Variants in GNAO1 observed in about 807,000 individuals in gnomAD.
The protein encoded by GNAO1 is G protein subunit alpha o1.
For synonymous variants in GNAO1, 164 were observed against 180.7 expected (o/e 0.91, Z 0.74); for missense variants, 166 against 478.7 (o/e 0.35, Z 6.10).
intron 2 of GNAO1, among the ~76,000 whole-genome samples, chr16:56,264,073 G>A (rs1452089937): frequency 1.3e-5 from 2 of 152,264 alleles, no homozygotes; most frequent in African/African-American, 4.8e-5. Flanking sequence ...GAGGCCGACA[G>A]AGCTGCCTTG....
At chr16:56,203,352 G>A (rs937205422) in intron 2 of GNAO1, among the ~76,000 whole-genome samples, 2 of 152,096 alleles carry the variant, frequency 1.3e-5, no homozygotes, top group Admixed American at 1.3e-4. Context: ...CTCAAGTGAG[G>A]CCAATCATCA....
chr16:56,200,687 C>T (rs758078511), intron 2 of GNAO1, among the ~76,000 whole-genome samples: 18 of 152,222 alleles, frequency 1.2e-4, no homozygotes, highest in Non-Finnish European at 2.1e-4. Flanking sequence ...TGGCAGTCTA[C>T]GACCTCACAC....
rs1313846736 is a variant in GNAO1, at chr16:56,311,176, G to A, written c.304-17455G>A. Among the ~76,000 whole-genome samples the A allele has an allele frequency of 6.6e-6, 1 of 150,826 alleles. No homozygotes were observed. The highest frequency in any genetic ancestry group is 2.0e-4 in the East Asian group (1 of 5,064). On this transcript the variant is annotated intron_variant, in intron 3 of 8. Coordinates refer to ENST00000262493, the MANE Select transcript of GNAO1 (RefSeq NM_020988.3). This position sits in a 1 kb window ranked among gnomAD's most constrained non-coding sequence, Gnocchi z 5.2. ...CCCTGGCCAGGGTGTGGGGCTTGGGGGTGGAGATGGGGGAGAGAGGCATGG... is the reference window on the plus strand; with the variant it reads ...CCCTGGCCAGGGTGTGGGGCTTGGGAGTGGAGATGGGGGAGAGAGGCATGG...
chr16:56,345,638 G>A (rs2037859099), intron 6 of GNAO1: 1 of 985,482 alleles, frequency 1.0e-6, no homozygotes. Flanking sequence ...GTTCACCTCG[G>A]TCATGTTTTG....
Position 56,198,852 on chromosome 16 carries a change from C to T in GNAO1, c.161+6236C>T, listed in dbSNP as rs537551420. ...GGGGTGCTGTGGTTCATGTTCATGG[C>T]TTCTTCCCCTTGCCTGCTCTGCAGC... is the stretch of plus-strand genomic sequence containing the variant. On this transcript the variant is annotated intron_variant, in intron 2 of 8. Transcript: ENST00000262493. Among the ~76,000 whole-genome samples, 7 of 152,324 alleles carry T rather than the reference C, an allele frequency of 4.6e-5. 2 individuals are homozygous for T. Among genetic ancestry groups the T allele is most frequent in the African/African-American group, 1.7e-4 (7 of 41,574 alleles).
Position 56,278,200 on chromosome 16 carries a change from C to T in GNAO1, c.303+2128C>T, listed in dbSNP as rs554794109. ...ATGGAAGGAGAGACTGAGAGCTAAG[C>T]GGGACTCCCTGGAGAGTCCACTGGA... On this transcript the variant is annotated intron_variant, in intron 3 of 8. Transcript: ENST00000262493. Among the ~76,000 whole-genome samples the T allele has an allele frequency of 8.6e-4, 131 of 152,276 alleles. 1 individual carries two copies. Among genetic ancestry groups the T allele is most frequent in the African/African-American group, 1.8e-3 (75 of 41,554 alleles).
chr16:56,253,142 C>T (rs905996648), intron 2 of GNAO1, among the ~76,000 whole-genome samples: 3 of 152,188 alleles, frequency 2.0e-5, no homozygotes, highest in Non-Finnish European at 2.9e-5. Flanking sequence ...CCTGGGCCCC[C>T]TCTTGCCTGG....
chr16:56,299,026 A>C (rs544803633), intron 3 of GNAO1, among the ~76,000 whole-genome samples: 43 of 152,280 alleles, frequency 2.8e-4, no homozygotes, highest in South Asian at 4.1e-4. Context: ...GGAGTTTGGG[A>C]AGGCTTGCCT....
intron 2 of GNAO1, among the ~76,000 whole-genome samples, chr16:56,239,061 T>C (rs2063634556): frequency 6.6e-6 from 1 of 152,228 alleles, no homozygotes. Flanking sequence ...TTTGTGTCCT[T>C]CTCCCTACCA....
intron 3 of GNAO1, among the ~76,000 whole-genome samples, chr16:56,292,448 G>A (rs192148255): frequency 1.8e-4 from 27 of 152,176 alleles, no homozygotes; most frequent in African/African-American, 6.5e-4. Flanking sequence ...TGCAACCTCT[G>A]CCTCCCAGGC....
In GNAO1 at chr16:56,348,369, CCT is replaced by C. The variant is rs1450317687; in HGVS notation, c.724-3014_724-3013del. Among the ~76,000 whole-genome samples, 6 of 152,206 alleles carry C rather than the reference CCT, an allele frequency of 3.9e-5. No homozygotes were observed. The East Asian group carries it at 7.7e-4, about 20-fold the overall frequency. ...TCAGGGCGACTGGGCGCCCTGCCCC[CCT>C]GTCAGGATCGCCATCTGGTGGGAAG... On this transcript the variant is annotated intron_variant, in intron 6 of 8. Coordinates refer to ENST00000262493, the MANE Select transcript of GNAO1 (RefSeq NM_020988.3).
At chr16:56,197,984 C>G (rs569768416) in intron 2 of GNAO1, among the ~76,000 whole-genome samples, 7 of 152,186 alleles carry the variant, frequency 4.6e-5, no homozygotes, top group African/African-American at 1.7e-4. Context: ...AGGCCATTAT[C>G]ACCAGAATAC....
intron 3 of GNAO1, among the ~76,000 whole-genome samples, chr16:56,317,180 A>G (rs539336107): frequency 6.6e-6 from 1 of 152,290 alleles, no homozygotes; most frequent in South Asian, 2.1e-4. Flanking sequence ...GGTTCTCAGA[A>G]AGGCTTAGGA....
At chr16:56,324,986 G>A (rs79561681) in intron 3 of GNAO1, among the ~76,000 whole-genome samples, 1 of 152,184 alleles carries the variant, frequency 6.6e-6, no homozygotes, top group Non-Finnish European at 1.5e-5. Flanking sequence ...CAGACCTTTC[G>A]TTGGCGACAA....
chr16:56,258,730 A>G (rs778839482), intron 2 of GNAO1, among the ~76,000 whole-genome samples: 3 of 152,236 alleles, frequency 2.0e-5, no homozygotes, highest in Non-Finnish European at 2.9e-5. Flanking sequence ...CCTGCCTGTT[A>G]CAGAGCGCTT....
chr16:56,320,986 A>AT (rs2037566047), intron 3 of GNAO1, among the ~76,000 whole-genome samples: 1 of 152,326 alleles, frequency 6.6e-6, no homozygotes, highest in Non-Finnish European at 1.5e-5. Flanking sequence ...AGCTAGTGCC[A>AT]TACCAGTCCC....
chr16:56,340,619 C>T, intron 6 of GNAO1: 1 of 576,312 alleles, frequency 1.7e-6, no homozygotes, highest in African/African-American at 1.9e-5. Context: ...CCCGGCCCTG[C>T]TCCGCCCCGC....
In GNAO1 at chr16:56,326,816, A is replaced by G. The variant is rs2037636840; in HGVS notation, c.304-1815A>G. Among the ~76,000 whole-genome samples, 1 of 152,218 alleles carries G rather than the reference A, an allele frequency of 6.6e-6. No homozygotes were observed. Among genetic ancestry groups the G allele is most frequent in the Admixed American group, 6.5e-5 (1 of 15,286 alleles). On this transcript the variant is annotated intron_variant, in intron 3 of 8. Transcript: ENST00000262493. This position sits in a 1 kb window ranked among gnomAD's most constrained non-coding sequence, Gnocchi z 4.8. ...TGCTCTCACCTACTCTGCGTTGGAC[A>G]TTAAAGGCTGTGGCTGCCTCAGACG...
intron 2 of GNAO1, among the ~76,000 whole-genome samples, chr16:56,211,766 C>G (rs1596799006): frequency 6.6e-6 from 1 of 152,166 alleles, no homozygotes; most frequent in Admixed American, 6.5e-5. Context: ...CCCAGCACCC[C>G]CTCCCGCTTC....
Sources: allele counts gnomAD v4.1 joint callset (sites outside exome capture counted in the v4.1 genomes callset), GRCh38; gene constraint gnomAD v4.1.1; non-coding constraint Gnocchi (gnomAD v3.1); transcripts MANE v1.5; gene names NCBI Gene and HGNC (gene_info 2026-07-23, HGNC 2026-07-21).